ECT2L: variants seen among roughly 807,000 people sequenced by gnomAD.
ECT2L encodes epithelial cell-transforming sequence 2 oncogene-like.
In ECT2L, 126 loss-of-function variants were observed where a neutral mutation model predicts 122.8. The observed-to-expected ratio is 1.03, with a 90% CI of 0.89 to 1.19. The LOEUF is 1.19. Among genes scored for constraint, ECT2L ranks in the 50% most tolerant of loss-of-function variants. The pLI, the probability that ECT2L is intolerant of heterozygous loss-of-function variation, is 0.00. For missense variants in ECT2L, 1,012 were observed against 1,064.1 expected, an observed-to-expected ratio of 0.95 and a Z score of 0.68; for synonymous variants, 385 against 381.8, an observed-to-expected ratio of 1.01 and a Z score of -0.10.
chr6:138,828,172 C>T (rs1243479794), intron 4 of ECT2L, among the ~76,000 whole-genome samples: 2 of 152,024 alleles, frequency 1.3e-5, no homozygotes, highest in African/African-American at 2.4e-5. Context: ...CATTATCAGC[C>T]TGAAAAAATT....
At chr6:138,859,999 A>G (rs1777767067) in intron 10 of ECT2L, among the ~76,000 whole-genome samples, 1 of 151,892 alleles carries the variant, frequency 6.6e-6, no homozygotes, top group Non-Finnish European at 1.5e-5. Context: ...ATTTTTTAAT[A>G]TTTTTAGTAG....
At chr6:138,892,397 A>C (rs1477023755) in intron 20 of ECT2L, among the ~76,000 whole-genome samples, 2 of 152,092 alleles carry the variant, frequency 1.3e-5, no homozygotes, top group Non-Finnish European at 2.9e-5. Flanking sequence ...ATCATATTTA[A>C]GTTTCTGCTC....
intron 1 of ECT2L, among the ~76,000 whole-genome samples, chr6:138,799,041 C>A (rs1301927819): frequency 6.6e-6 from 1 of 152,196 alleles, no homozygotes; most frequent in African/African-American, 2.4e-5. Flanking sequence ...CAAGCCACTC[C>A]GGGAGTCTCT....
intron 1 of ECT2L, among the ~76,000 whole-genome samples, chr6:138,806,814 C>A (rs1178465711): frequency 6.6e-6 from 1 of 151,680 alleles, no homozygotes; most frequent in Admixed American, 6.6e-5. Flanking sequence ...CACCTGGCCA[C>A]GCATAGCTTT....
At chr6:138,884,509 G>A (rs1582656943) in intron 16 of ECT2L, among the ~76,000 whole-genome samples, 1 of 151,946 alleles carries the variant, frequency 6.6e-6, no homozygotes, top group Admixed American at 6.6e-5. Flanking sequence ...ATGGTGGCGG[G>A]CACCTGTAAT....
At chr6:138,837,902 C>CT (rs10708786) in intron 4 of ECT2L, among the ~76,000 whole-genome samples, 4,063 of 140,660 alleles carry the variant, frequency 0.029, 134 homozygotes, top group African/African-American at 0.085. Flanking sequence ...AAAGTGAATA[C>CT]TTTTTTTTTT....
chr6:138,875,435 G>A (rs1178159766), intron 13 of ECT2L, among the ~76,000 whole-genome samples: 1 of 152,238 alleles, frequency 6.6e-6, no homozygotes, highest in East Asian at 1.9e-4. Context: ...GACATCCAAG[G>A]GTTGCCATTG....
At position 138,888,940 on chromosome 6, in the gene ECT2L, C is replaced by A. The variant is rs745936799; in HGVS notation, c.2326-3C>A. ...ACTTCTAATTTTGTTTTTGATTTTA[C>A]AGACTCTATCAGAAGTAAACAGATA... On this transcript the variant is annotated splice_polypyrimidine_tract_variant and splice_region_variant and intron_variant, in intron 19 of 21. Coordinates refer to ENST00000541398, the MANE Select transcript of ECT2L (RefSeq NM_001077706.3). The A allele has an allele frequency of 7.1e-7, 1 of 1,416,484 alleles. No individual in the cohort carries two copies. The highest frequency in any genetic ancestry group is 1.7e-5 in the South Asian group (1 of 58,944). The allele number at this position is 1,416,484 out of a possible 1,614,324, so 87.7% of individuals were successfully genotyped here. A position where few individuals can be genotyped will look rare whatever the true frequency, so the allele number is the denominator to read the frequency against.
Position 138,880,988 on chromosome 6 carries a change from A to C in ECT2L, c.1697A>C (p.Lys566Thr), listed in dbSNP as rs748832247. The change falls in exon 15 of 22, where the codon AAG (lysine) becomes ACG (threonine). Residue 566 changes from lysine to threonine, a missense_variant. Coordinates refer to ENST00000541398, the MANE Select transcript of ECT2L (RefSeq NM_001077706.3). Reference sequence around the variant, plus strand: ...ATACTCCAGAAGGACTCAGCAGAAAAGCGAGCTAGAGTTGTCAGAGAACTC... The same window carrying C: ...ATACTCCAGAAGGACTCAGCAGAAACGCGAGCTAGAGTTGTCAGAGAACTC... ...ERILQKDSAE[K>T]RARVVRELLQ... The C allele has an allele frequency of 6.2e-7, 1 of 1,614,140 alleles. No homozygotes were observed. The highest frequency in any genetic ancestry group is 2.2e-5 in the East Asian group (1 of 44,864).
intron 10 of ECT2L, among the ~76,000 whole-genome samples, chr6:138,861,916 T>C (rs1305739345): frequency 2.6e-5 from 4 of 152,240 alleles, no homozygotes; most frequent in Non-Finnish European, 5.9e-5. Flanking sequence ...AAAAAATATA[T>C]AGATTTTTCT....
At chr6:138,817,115 TAC>T (rs1776094750) in intron 4 of ECT2L, among the ~76,000 whole-genome samples, 1 of 152,268 alleles carries the variant, frequency 6.6e-6, no homozygotes, top group Non-Finnish European at 1.5e-5. Flanking sequence ...TCCATTTTGT[TAC>T]ACATGTCAGT....
At chr6:138,858,231 T>C (rs944237243) in intron 10 of ECT2L, among the ~76,000 whole-genome samples, 2 of 152,164 alleles carry the variant, frequency 1.3e-5, no homozygotes, top group African/African-American at 2.4e-5. Context: ...TGCAGACTCA[T>C]ATCTAATTCC....
At position 138,903,017 on chromosome 6, in the gene ECT2L, G is replaced by A. The variant is rs1779457580; in HGVS notation, c.*390G>A. 6.1e-6 allele frequency: 1 copy of A among 164,870 alleles called. No homozygotes were observed. Among genetic ancestry groups the A allele is most frequent in the East Asian group, 1.9e-4 (1 of 5,358 alleles). 10.2% of individuals were successfully genotyped at this position (164,870 alleles called of 1,614,324 possible). A position where few individuals can be genotyped will look rare whatever the true frequency, so the allele number is the denominator to read the frequency against. On this transcript the variant is annotated 3_prime_UTR_variant, in exon 22 of 22. Transcript: ENST00000541398. Reference sequence around the variant, plus strand: ...TCTAGAAAGATATTTTAATTTGTTGGTGATTTACCATTTTTAACATTTTCA... The same window carrying A: ...TCTAGAAAGATATTTTAATTTGTTGATGATTTACCATTTTTAACATTTTCA...
intron 11 of ECT2L, among the ~76,000 whole-genome samples, chr6:138,863,615 C>CT (rs113243740): frequency 0.055 from 7,861 of 143,894 alleles, 269 homozygotes; most frequent in Non-Finnish European, 0.083. Context: ...GGTTTTCTTT[C>CT]TTTTTTTTTT....
At chr6:138,808,679 A>G (rs1338495076) in intron 1 of ECT2L, among the ~76,000 whole-genome samples, 1 of 151,882 alleles carries the variant, frequency 6.6e-6, no homozygotes, top group Non-Finnish European at 1.5e-5. Context: ...TTCTACATAC[A>G]ATTATGTTAA....
chr6:138,827,384 C>T (rs1004180980), intron 4 of ECT2L, among the ~76,000 whole-genome samples: 2 of 151,922 alleles, frequency 1.3e-5, no homozygotes, highest in Non-Finnish European at 2.9e-5. Flanking sequence ...AAAAAAACTA[C>T]CCAGTCTCAG....
intron 20 of ECT2L, among the ~76,000 whole-genome samples, chr6:138,891,325 C>A (rs1237931388): frequency 6.6e-6 from 1 of 152,136 alleles, no homozygotes; most frequent in African/African-American, 2.4e-5. Flanking sequence ...TGGGGAAAAT[C>A]TCCGTTTTGT....
intron 11 of ECT2L, among the ~76,000 whole-genome samples, chr6:138,864,002 TAAAAAAAAA>T (rs1172466449): frequency 3.6e-5 from 2 of 55,872 alleles, no homozygotes; most frequent in Admixed American, 3.2e-4. Context: ...TCTCCGTATT[TAAAAAAAAA>T]AAAAAAAAAA....
At chr6:138,896,464 C>G (rs927240912) in intron 20 of ECT2L, among the ~76,000 whole-genome samples, 1 of 152,176 alleles carries the variant, frequency 6.6e-6, no homozygotes, top group African/African-American at 2.4e-5. Context: ...AGCAGGGTAA[C>G]TATGCAACAG....
Sources: gnomAD v4.1 joint callset for allele counts (sites outside exome capture counted in the v4.1 genomes callset) on GRCh38, gnomAD v4.1.1 for gene constraint, MANE v1.5 for transcripts, NCBI Gene and HGNC (gene_info 2026-07-23, HGNC 2026-07-21) for gene names.